SHANK2: variants seen among roughly 807,000 people sequenced by gnomAD.
SHANK2 encodes the protein SH3 and multiple ankyrin repeat domains 2.
In SHANK2, 43 loss-of-function variants were observed where a neutral mutation model predicts 133.7. The ratio of observed to expected loss-of-function variants is 0.32; its 90% confidence interval spans 0.25 to 0.41. SHANK2 has a LOEUF of 0.41. SHANK2 is among the 10% of genes least tolerant of loss of function. The pLI is 1.00. For synonymous variants in SHANK2, 1,017 were observed against 952.8 expected (o/e 1.07, Z -1.24); for missense variants, 1,994 against 2,235.8 (o/e 0.89, Z 2.18).
chr11:70,536,333 AG>A (rs2059543791), intron 17 of SHANK2, among the ~76,000 whole-genome samples: 1 of 152,142 alleles, frequency 6.6e-6, no homozygotes, highest in Non-Finnish European at 1.5e-5. Context: ...AGCTGAGATG[AG>A]GCTTGGTCTA....
intron 3 of SHANK2, among the ~76,000 whole-genome samples, chr11:71,132,106 C>G (rs182956992): frequency 6.6e-6 from 1 of 152,172 alleles, no homozygotes; most frequent in Non-Finnish European, 1.5e-5. Flanking sequence ...AGGCTGCTGC[C>G]GGGACGCAGA....
chr11:70,755,940 C>T (rs941568571), intron 14 of SHANK2, among the ~76,000 whole-genome samples: 4 of 152,210 alleles, frequency 2.6e-5, no homozygotes, highest in Non-Finnish European at 5.9e-5. Flanking sequence ...ATACCCAGCC[C>T]TCCCAGCTGT....
At chr11:70,635,386 CAGA>C (rs2061059519) in intron 17 of SHANK2, 2 of 152,156 alleles carry the variant, frequency 1.3e-5, no homozygotes, top group South Asian at 4.1e-4. Flanking sequence ...AGGCTTAAAC[CAGA>C]AGGAGATTCT....
At chr11:70,850,582 C>T (rs1266674599) in intron 11 of SHANK2, among the ~76,000 whole-genome samples, 1 of 152,198 alleles carries the variant, frequency 6.6e-6, no homozygotes, top group Non-Finnish European at 1.5e-5. Flanking sequence ...GTGTCCTCAC[C>T]ATGCACGCCC....
intron 14 of SHANK2, among the ~76,000 whole-genome samples, chr11:70,721,603 GC>G (rs1236448866): frequency 6.6e-6 from 1 of 152,170 alleles, no homozygotes; most frequent in African/African-American, 2.4e-5. Context: ...AGGCAGTTCT[GC>G]CCCCAGGGTG....
intron 14 of SHANK2, among the ~76,000 whole-genome samples, chr11:70,794,208 G>C (rs1947857229): frequency 6.6e-6 from 1 of 150,390 alleles, no homozygotes; most frequent in Non-Finnish European, 1.5e-5. Flanking sequence ...TTGAACTCTG[G>C]AGTGGGAGTT....
chr11:71,067,980 T>C (rs1351050039), intron 9 of SHANK2, among the ~76,000 whole-genome samples: 1 of 151,030 alleles, frequency 6.6e-6, no homozygotes, highest in Non-Finnish European at 1.5e-5. Flanking sequence ...ACCACCATCA[T>C]CACCACCACC....
chr11:70,854,552 C>A (rs1555066449), intron 11 of SHANK2, among the ~76,000 whole-genome samples: 1 of 152,150 alleles, frequency 6.6e-6, no homozygotes, highest in African/African-American at 2.4e-5. Flanking sequence ...GGGAGAGGGA[C>A]CAAGGTCCAG....
intron 14 of SHANK2, among the ~76,000 whole-genome samples, chr11:70,797,933 T>C (rs189968492): frequency 1.3e-5 from 2 of 151,692 alleles, no homozygotes; most frequent in East Asian, 3.9e-4. Context: ...CTCTCGGCAA[T>C]CAATTTTGAA....
At chr11:70,790,244 G>A (rs1414129193) in intron 14 of SHANK2, among the ~76,000 whole-genome samples, 1 of 152,204 alleles carries the variant, frequency 6.6e-6, no homozygotes, top group Non-Finnish European at 1.5e-5. Flanking sequence ...AGATGCGGAA[G>A]GCAGTCAAGT....
chr11:71,173,340 A>G (rs1485995769), intron 2 of SHANK2, among the ~76,000 whole-genome samples: 1 of 152,076 alleles, frequency 6.6e-6, no homozygotes, highest in Non-Finnish European at 1.5e-5. Flanking sequence ...CTGCTTTTGG[A>G]GCAGATGTAA....
rs1433940424 is a variant in SHANK2, at chr11:71,133,237, A to G, written c.207+13883T>C. ...GGGTGGCTGGGTGGATGCACAGATG[A>G]ATGGATGGATGGATGGATGGATGGA... On this transcript the variant is annotated intron_variant, in intron 3 of 25. Transcript: ENST00000601538. Among the ~76,000 whole-genome samples, 330 of 109,080 alleles carry G rather than the reference A, an allele frequency of 3.0e-3. 3 individuals are homozygous for G. Among genetic ancestry groups the G allele is most frequent in the Admixed American group, 0.019 (201 of 10,816 alleles). 71.6% of individuals were successfully genotyped at this position (109,080 alleles called of 152,430 possible). A position where few individuals can be genotyped will look rare whatever the true frequency, so the allele number is the denominator to read the frequency against.
chr11:70,898,119 T>G (rs1949965372), intron 10 of SHANK2, among the ~76,000 whole-genome samples: 1 of 151,832 alleles, frequency 6.6e-6, no homozygotes, highest in South Asian at 2.1e-4. Flanking sequence ...TGTGCCACCA[T>G]GTCTGGCTAA....
intron 11 of SHANK2, among the ~76,000 whole-genome samples, chr11:70,828,067 C>G (rs1221832741): frequency 6.6e-6 from 1 of 151,738 alleles, no homozygotes; most frequent in Non-Finnish European, 1.5e-5. Context: ...TTGCTTGAGC[C>G]CAGGAATTTG....
intron 2 of SHANK2, among the ~76,000 whole-genome samples, chr11:71,167,036 T>C (rs1953166631): frequency 6.7e-6 from 1 of 148,894 alleles, no homozygotes; most frequent in Non-Finnish European, 1.5e-5. Flanking sequence ...AAAGCACATC[T>C]TGCACTGCCC....
chr11:70,513,657 T>A (rs1262514757), intron 17 of SHANK2, among the ~76,000 whole-genome samples: 1 of 152,058 alleles, frequency 6.6e-6, no homozygotes, highest in African/African-American at 2.4e-5. Flanking sequence ...TAAAGGAAAA[T>A]AGGCTTATAA....
intron 17 of SHANK2, among the ~76,000 whole-genome samples, chr11:70,557,019 T>C (rs2136109673): frequency 6.6e-6 from 1 of 152,256 alleles, no homozygotes; most frequent in African/African-American, 2.4e-5. Flanking sequence ...TCACCACACC[T>C]AGGCGAGCCT....
intron 10 of SHANK2, among the ~76,000 whole-genome samples, chr11:71,056,148 T>A (rs1950916380): frequency 6.6e-6 from 1 of 152,098 alleles, no homozygotes; most frequent in Non-Finnish European, 1.5e-5. Flanking sequence ...TCCCACTGGA[T>A]GGAGGGGCGG....
chr11:70,759,165 A>AAAACC (rs112523125), intron 14 of SHANK2, among the ~76,000 whole-genome samples: 62,496 of 146,714 alleles, frequency 0.43, 14,285 homozygotes, highest in East Asian at 0.65. Context: ...ACTCCATCAC[A>AAAACC]AAACCAAACC....
Sources: allele counts gnomAD v4.1 joint callset (sites outside exome capture counted in the v4.1 genomes callset), GRCh38; gene constraint gnomAD v4.1.1; transcripts MANE v1.5; gene names NCBI Gene and HGNC (gene_info 2026-07-23, HGNC 2026-07-21).